GRAMD1B: variants seen among roughly 807,000 people sequenced by gnomAD.
GRAMD1B encodes GRAM domain containing 1B.
A neutral mutation model predicts 99.7 loss-of-function variants in GRAMD1B; 37 were observed. The observed-to-expected ratio is 0.37, with a 90% CI of 0.29 to 0.49. The LOEUF (loss-of-function observed/expected upper bound fraction) is 0.49. Ranked by LOEUF, GRAMD1B falls within the 20% of genes least tolerant of loss-of-function variation. The pLI is 0.98. For synonymous variants in GRAMD1B, 427 were observed against 387.6 expected (o/e 1.10, Z -1.19); for missense variants, 888 against 1,009.2 (o/e 0.88, Z 1.63).
chr11:123,485,385 C>T (rs1015069158), intron 2 of GRAMD1B, among the ~76,000 whole-genome samples: 8 of 151,964 alleles, frequency 5.3e-5, no homozygotes, highest in African/African-American at 1.9e-4. Flanking sequence ...AGCTACCTTA[C>T]TCTACACAGC....
chr11:123,435,375 CATT>C, intron 1 of GRAMD1B: 3 of 693,734 alleles, frequency 4.3e-6, no homozygotes, highest in Non-Finnish European at 7.9e-6. Flanking sequence ...TTTGTTTTTT[CATT>C]ATTTGTTTCA....
chr11:123,609,771 T>G, intron 12 of GRAMD1B, 24 bp from the exon 13 acceptor site: 1 of 1,344,810 alleles, frequency 7.4e-7, no homozygotes, highest in Non-Finnish European at 1.0e-6. Context: ...CCTTCCTCAT[T>G]CCAGGGCTCT....
chr11:123,523,803 A>G (rs1272632927), intron 2 of GRAMD1B, among the ~76,000 whole-genome samples: 1 of 152,150 alleles, frequency 6.6e-6, no homozygotes, highest in Non-Finnish European at 1.5e-5. Context: ...TACTTCTGGA[A>G]TCTGTTGCAT....
intron 2 of GRAMD1B, among the ~76,000 whole-genome samples, chr11:123,527,692 G>A (rs1002104050): frequency 6.6e-6 from 1 of 152,106 alleles, no homozygotes; most frequent in African/African-American, 2.4e-5. Flanking sequence ...CTGGGATGAG[G>A]CCTCCAAGAA....
chr11:123,593,530 C>T (rs375379340), intron 4 of GRAMD1B, among the ~76,000 whole-genome samples: 1 of 151,966 alleles, frequency 6.6e-6, no homozygotes, highest in Non-Finnish European at 1.5e-5. Flanking sequence ...CTCGTGTGCC[C>T]GTTGTGTTTT....
chr11:123,613,738 A>G (rs933406472), intron 16 of GRAMD1B, 80 bp downstream of exon 16: 1 of 988,982 alleles, frequency 1.0e-6, no homozygotes, highest in African/African-American at 1.6e-5. Flanking sequence ...ACACACATGC[A>G]CACTCATTTT....
intron 1 of GRAMD1B, among the ~76,000 whole-genome samples, chr11:123,442,275 G>T (rs1380185231): frequency 2.0e-5 from 3 of 151,918 alleles, no homozygotes; most frequent in African/African-American, 7.3e-5. Flanking sequence ...TTCTCTATCT[G>T]CATGTTGCAT....
intron 3 of GRAMD1B, among the ~76,000 whole-genome samples, chr11:123,582,743 T>G (rs1592124308): frequency 6.6e-6 from 1 of 152,052 alleles, no homozygotes; most frequent in East Asian, 1.9e-4. Flanking sequence ...TGGCCACTGG[T>G]CATCACCGCG....
chr11:123,411,970 T>C (rs1034419032), intron 1 of GRAMD1B, among the ~76,000 whole-genome samples: 32 of 152,260 alleles, frequency 2.1e-4, no homozygotes, highest in African/African-American at 7.2e-4. Flanking sequence ...TATGAACAAG[T>C]GAAATCTATA....
chr11:123,481,320 T>A (rs1951591370), intron 2 of GRAMD1B, among the ~76,000 whole-genome samples: 1 of 152,064 alleles, frequency 6.6e-6, no homozygotes, highest in African/African-American at 2.4e-5. Flanking sequence ...CCAGACATGG[T>A]GGCATGTGCC....
At chr11:123,438,904 C>A (rs2134246188) in intron 1 of GRAMD1B, among the ~76,000 whole-genome samples, 1 of 152,338 alleles carries the variant, frequency 6.6e-6, no homozygotes, top group East Asian at 1.9e-4. Context: ...GGGCAAACTG[C>A]TGGCCCTGAA....
chr11:123,514,954 A>G (rs1282133790), intron 2 of GRAMD1B, among the ~76,000 whole-genome samples: 1 of 152,218 alleles, frequency 6.6e-6, no homozygotes, highest in African/African-American at 2.4e-5. Flanking sequence ...TTGGCAGGTG[A>G]TAGATGCTCA....
intron 19 of GRAMD1B, among the ~76,000 whole-genome samples, chr11:123,621,725 A>G (rs1955133882): frequency 6.6e-6 from 1 of 152,222 alleles, no homozygotes; most frequent in South Asian, 2.1e-4. Context: ...CAGGGAAACC[A>G]GATGAAACAA....
chr11:123,487,272 G>A (rs1362043013), intron 2 of GRAMD1B, among the ~76,000 whole-genome samples: 4 of 152,312 alleles, frequency 2.6e-5, no homozygotes, highest in Non-Finnish European at 5.9e-5. Context: ...GGTGAGGGCA[G>A]GGGTGGGAGG....
upstream of GRAMD1B, among the ~76,000 whole-genome samples, chr11:123,425,593 G>A (rs1325516514): frequency 1.3e-5 from 2 of 152,162 alleles, no homozygotes; most frequent in African/African-American, 4.8e-5. Flanking sequence ...CCCCTGTGAG[G>A]GCTGTTGGAA....
chr11:123,424,070 C>T (rs1483303629), intron 1 of GRAMD1B, among the ~76,000 whole-genome samples: 25 of 152,000 alleles, frequency 1.6e-4, no homozygotes, highest in Non-Finnish European at 1.2e-4. Context: ...AGATTTTCTC[C>T]ATCTCTTACC....
At chr11:123,412,853 C>T (rs1253707654) in intron 1 of GRAMD1B, among the ~76,000 whole-genome samples, 1 of 152,126 alleles carries the variant, frequency 6.6e-6, no homozygotes, top group Non-Finnish European at 1.5e-5. Context: ...GCGATCTCGG[C>T]TTACTGCAAC....
chr11:123,488,662 C>T (rs1048858051), intron 2 of GRAMD1B, among the ~76,000 whole-genome samples: 3 of 139,922 alleles, frequency 2.1e-5, no homozygotes, highest in African/African-American at 7.4e-5. Flanking sequence ...TGACTGAAAG[C>T]TTTGGCCCTC....
chr11:123,505,569 A>C (rs1179610263), intron 2 of GRAMD1B, among the ~76,000 whole-genome samples: 1 of 152,206 alleles, frequency 6.6e-6, no homozygotes, highest in Non-Finnish European at 1.5e-5. Context: ...TATCTCAGTT[A>C]ATCTTTGTAA....
Sources: allele counts gnomAD v4.1 joint callset (sites outside exome capture counted in the v4.1 genomes callset), GRCh38; gene constraint gnomAD v4.1.1; transcripts MANE v1.5; gene names NCBI Gene and HGNC (gene_info 2026-07-23, HGNC 2026-07-21).